The following ADCY3 variants were observed in gnomAD, a reference collection of about 807,000 sequenced individuals.
ADCY3 encodes the protein adenylate cyclase type 3.
A neutral mutation model predicts 119.4 loss-of-function variants in ADCY3; 70 were observed. The ratio of observed to expected loss-of-function variants is 0.59; its 90% confidence interval spans 0.48 to 0.72. The LOEUF is 0.72. Among genes scored for constraint, ADCY3 ranks in the 30% least tolerant of loss-of-function variants. The pLI is 0.00. For synonymous variants in ADCY3, 672 were observed against 621.4 expected (o/e 1.08, Z -1.21); for missense variants, 1,238 against 1,541.6 (o/e 0.80, Z 3.30).
Position 24,834,792 on chromosome 2 carries a change from A to T in ADCY3, c.1805+2T>A. On this transcript the variant is annotated splice_donor_variant, in intron 10 of 21. Coordinates refer to ENST00000679454, the MANE Select transcript of ADCY3 (RefSeq NM_004036.5). LOFTEE classifies it high-confidence loss of function. The surrounding 1 kb of genome is among the most constrained non-coding windows in gnomAD (Gnocchi z 4.2). Reference sequence around the variant, plus strand: ...GCCTGGACGCTTCCGGGTGGCGCTTACACTTGGGCGGACTCTCGCTCAAGC... The same window carrying T: ...GCCTGGACGCTTCCGGGTGGCGCTTTCACTTGGGCGGACTCTCGCTCAAGC... 3 of 1,612,288 alleles carry T rather than the reference A, an allele frequency of 1.9e-6. No individual in the cohort carries two copies. The highest frequency in any genetic ancestry group is 2.5e-6 in the Non-Finnish European group (3 of 1,178,876).
At chr2:24,852,277 C>G (rs1197289535) in intron 3 of ADCY3, among the ~76,000 whole-genome samples, 1 of 152,232 alleles carries the variant, frequency 6.6e-6, no homozygotes, top group Admixed American at 6.5e-5. Flanking sequence ...TCCACTGTCC[C>G]CACGGCATCT....
intron 3 of ADCY3, among the ~76,000 whole-genome samples, chr2:24,869,019 G>A (rs981960518): frequency 2.0e-5 from 3 of 152,108 alleles, no homozygotes; most frequent in Admixed American, 6.5e-5. Context: ...GCCAGACTCC[G>A]TCTCAAAATA....
At chr2:24,843,291 G>A (rs563653680) in intron 3 of ADCY3, among the ~76,000 whole-genome samples, 2 of 152,204 alleles carry the variant, frequency 1.3e-5, no homozygotes, top group African/African-American at 4.8e-5. Context: ...GGAGTGCAGT[G>A]GTGCAAACAT....
intron 7 of ADCY3, 95 bp downstream of exon 7, chr2:24,839,778 G>T: frequency 6.4e-7 from 1 of 1,557,692 alleles, no homozygotes; most frequent in Non-Finnish European, 8.8e-7. Flanking sequence ...CCTTCTCTGA[G>T]GCCCCCTGTC....
intron 2 of ADCY3, among the ~76,000 whole-genome samples, chr2:24,912,569 A>ATG (rs1436630372): frequency 8.1e-4 from 32 of 39,680 alleles, no homozygotes; most frequent in African/African-American, 2.0e-3. Context: ...GTGTGTGTGC[A>ATG]TGTGTGTGTG....
At chr2:24,823,467 C>A in intron 17 of ADCY3, 112 bp from the exon 18 acceptor site, 4 of 1,111,136 alleles carry the variant, frequency 3.6e-6, no homozygotes, top group Non-Finnish European at 5.0e-6. Flanking sequence ...TTTTTGGACT[C>A]ACACATCAGT....
At chr2:24,905,240 T>C (rs1429016162) in intron 2 of ADCY3, among the ~76,000 whole-genome samples, 2 of 151,594 alleles carry the variant, frequency 1.3e-5, no homozygotes, top group Admixed American at 6.6e-5. Context: ...TTCACACCAT[T>C]CCCCTGCCTC....
Position 24,878,704 on chromosome 2 carries a change from C to T in ADCY3, c.676-5985G>A, listed in dbSNP as rs1373711390. ...CTTCTCCCACCCAAGGAGGCCCAGC[C>T]AGAGCCTGTGAGGCCGCCACTCAGC... On this transcript the variant is annotated intron_variant, in intron 2 of 21. Transcript: ENST00000679454. The surrounding 1 kb of genome is among the most constrained non-coding windows in gnomAD (Gnocchi z 4.0). 6.6e-6 allele frequency among the ~76,000 whole-genome samples: 1 copy of T among 152,180 alleles called. No homozygotes were observed. Among genetic ancestry groups the T allele is most frequent in the Non-Finnish European group, 1.5e-5 (1 of 68,038 alleles).
intron 3 of ADCY3, among the ~76,000 whole-genome samples, chr2:24,859,565 T>C (rs1673396902): frequency 6.6e-6 from 1 of 152,196 alleles, no homozygotes; most frequent in Non-Finnish European, 1.5e-5. Flanking sequence ...TGACCAGGCT[T>C]GGGCAAAGGT....
At chr2:24,900,358 A>AT (rs537122461) in intron 2 of ADCY3, among the ~76,000 whole-genome samples, 46,383 of 146,816 alleles carry the variant, frequency 0.32, 7,706 homozygotes, top group South Asian at 0.36. Flanking sequence ...AAAAAAAAAA[A>AT]TAAATAAAAA....
chr2:24,901,069 A>G (rs1232325938), intron 2 of ADCY3, among the ~76,000 whole-genome samples: 1 of 152,220 alleles, frequency 6.6e-6, no homozygotes, highest in Non-Finnish European at 1.5e-5. Context: ...CCGTCTCAAA[A>G]AAAAGGAAAA....
chr2:24,819,884 A>AAAAT lies in ADCY3; in HGVS notation c.*44_*47dup, dbSNP rs768183514. On this transcript the variant is annotated 3_prime_UTR_variant, in exon 22 of 22. Transcript: ENST00000679454. ...AGGTCGGGACTTCCTTCAGTTTCAA[A>AAAAT]AAATAAATTCTCCCTTCCGGTTTGG... The AAAAT allele has an allele frequency of 1.3e-6, 2 of 1,589,606 alleles. No homozygotes were observed. Among genetic ancestry groups the AAAAT allele is most frequent in the East Asian group, 2.3e-5 (1 of 44,314 alleles).
intron 2 of ADCY3, among the ~76,000 whole-genome samples, chr2:24,875,824 T>C (rs1008382800): frequency 2.6e-5 from 4 of 152,232 alleles, no homozygotes. Context: ...CAGAAGGAAT[T>C]GAGATTAAAT....
At chr2:24,886,472 A>T (rs576072955) in intron 2 of ADCY3, among the ~76,000 whole-genome samples, 1 of 152,212 alleles carries the variant, frequency 6.6e-6, no homozygotes, top group Non-Finnish European at 1.5e-5. Context: ...CGGACCTTGC[A>T]AAGGGCCAGG....
intron 3 of ADCY3, among the ~76,000 whole-genome samples, chr2:24,867,035 C>CT (rs1208892793): frequency 6.6e-6 from 1 of 152,176 alleles, no homozygotes; most frequent in African/African-American, 2.4e-5. Context: ...ATGTTCAAAA[C>CT]TGACGAGAGA....
intron 3 of ADCY3, among the ~76,000 whole-genome samples, chr2:24,865,206 A>G (rs1674130009): frequency 6.6e-6 from 1 of 152,158 alleles, no homozygotes; most frequent in Admixed American, 6.5e-5. Flanking sequence ...GCATTTTGGG[A>G]GGCCGAGGCG....
Position 24,822,577 on chromosome 2 carries a change from G to A in ADCY3, c.2937C>T (p.Ser979=), listed in dbSNP as rs1031359436. 2 of 1,614,082 alleles carry A rather than the reference G, an allele frequency of 1.2e-6. No homozygotes were observed. Among genetic ancestry groups the A allele is most frequent in the South Asian group, 1.1e-5 (1 of 91,072 alleles). The change falls in exon 19 of 22, where the codon AGC becomes AGT. Residue 979 remains serine, a synonymous_variant. Coordinates refer to ENST00000679454, the MANE Select transcript of ADCY3 (RefSeq NM_004036.5). ...TGACTCCTGAAGCCGCCATATACGT[G>A]CTGCCAATGGTTTTGATCTTGGTGA... ...RVITKIKTIG[S]TYMAASGVTP... is the part of the protein sequence containing the mutation.
intron 17 of ADCY3, 137 bp downstream of exon 17, chr2:24,824,241 T>A: frequency 9.2e-7 from 1 of 1,083,496 alleles, no homozygotes; most frequent in South Asian, 1.7e-5. Flanking sequence ...TATTTGTGTT[T>A]GCTGTTTAGG....
chr2:24,891,124 C>T (rs1249041822), intron 2 of ADCY3, among the ~76,000 whole-genome samples: 2 of 152,168 alleles, frequency 1.3e-5, no homozygotes. Flanking sequence ...CTGCCTTGGC[C>T]TCCCAAAGTG....
Sources: allele counts gnomAD v4.1 joint callset (sites outside exome capture counted in the v4.1 genomes callset), GRCh38; gene constraint gnomAD v4.1.1; non-coding constraint Gnocchi (gnomAD v3.1); transcripts MANE v1.5; gene names NCBI Gene and HGNC (gene_info 2026-07-23, HGNC 2026-07-21).